FAT3: variants seen among roughly 807,000 people sequenced by gnomAD.
FAT3 encodes the protein protocadherin Fat 3.
In FAT3, 95 loss-of-function variants were observed where a neutral mutation model predicts 310.2. The observed-to-expected ratio is 0.31, with a 90% CI of 0.26 to 0.36. The LOEUF (loss-of-function observed/expected upper bound fraction) is 0.36. Among genes scored for constraint, FAT3 ranks in the 10% least tolerant of loss-of-function variants. The pLI is 1.00. For missense variants in FAT3, 5,408 were observed against 5,715.6 expected (o/e 0.95, Z 1.74); for synonymous variants, 2,314 against 2,192.9 (o/e 1.06, Z -1.54).
At chr11:92,619,284 A>T (rs1350623992) in intron 3 of FAT3, among the ~76,000 whole-genome samples, 1 of 152,136 alleles carries the variant, frequency 6.6e-6, no homozygotes, top group Non-Finnish European at 1.5e-5. Flanking sequence ...TAAGAGATAT[A>T]ACTTTTGCAT....
At chr11:92,874,552 A>T (rs1432248154) in intron 22 of FAT3, among the ~76,000 whole-genome samples, 1 of 152,186 alleles carries the variant, frequency 6.6e-6, no homozygotes, top group African/African-American at 2.4e-5. Context: ...TTACTAATGT[A>T]TGTTGAGATG....
At chr11:92,870,846 T>A (rs984514652) in intron 22 of FAT3, among the ~76,000 whole-genome samples, 2 of 152,216 alleles carry the variant, frequency 1.3e-5, no homozygotes, top group Non-Finnish European at 2.9e-5. Context: ...GGTACTGTGA[T>A]AAGTGCTTAC....
At chr11:92,722,217 CATTGGGT>C (rs1944881552) in intron 4 of FAT3, among the ~76,000 whole-genome samples, 1 of 149,772 alleles carries the variant, frequency 6.7e-6, no homozygotes, top group African/African-American at 2.6e-5. Flanking sequence ...GCAGTATACC[CATTGGGT>C]AAATACAGCC....
chr11:92,312,659 G>A (rs1311687360), intron 1 of FAT3, among the ~76,000 whole-genome samples: 1 of 152,138 alleles, frequency 6.6e-6, no homozygotes, highest in African/African-American at 2.4e-5. Flanking sequence ...CTCTTTTTGT[G>A]AGTATATTTT....
intron 1 of FAT3, among the ~76,000 whole-genome samples, chr11:92,284,423 AG>A (rs1256029868): frequency 2.0e-5 from 3 of 152,098 alleles, no homozygotes; most frequent in African/African-American, 7.2e-5. Flanking sequence ...ACTACTCACT[AG>A]TTTTTGTTCC....
At chr11:92,265,364 T>C (rs951776318) in intron 1 of FAT3, among the ~76,000 whole-genome samples, 5 of 151,988 alleles carry the variant, frequency 3.3e-5, no homozygotes, top group Non-Finnish European at 5.9e-5. Flanking sequence ...ATTGACTGCG[T>C]TCCAAGCATG....
Position 92,769,100 on chromosome 11 carries a change from A to G in FAT3, c.4195+4011A>G, listed in dbSNP as rs1210241534. Among the ~76,000 whole-genome samples the G allele has an allele frequency of 2.0e-5, 3 of 152,270 alleles. No individual in the cohort carries two copies. The East Asian group carries it at 5.8e-4, about 29-fold the overall frequency. On this transcript the variant is annotated intron_variant, in intron 6 of 27. Coordinates refer to ENST00000525166, the MANE Select transcript of FAT3 (RefSeq NM_001367949.2). Reference sequence around the variant, plus strand: ...TGATATGAATTCACAAAAGCTGGGTAGCAAGCAAGATTTTGTTCCAAGCCT... The same window carrying G: ...TGATATGAATTCACAAAAGCTGGGTGGCAAGCAAGATTTTGTTCCAAGCCT...
intron 1 of FAT3, among the ~76,000 whole-genome samples, chr11:92,245,793 T>C (rs1864878989): frequency 6.6e-6 from 1 of 152,132 alleles, no homozygotes. Flanking sequence ...TGAGCTGTAG[T>C]TTGCAACCCC....
intron 1 of FAT3, among the ~76,000 whole-genome samples, chr11:92,349,923 C>T (rs1248711893): frequency 1.3e-5 from 2 of 151,452 alleles, no homozygotes; most frequent in South Asian, 2.1e-4. Flanking sequence ...CCAGGCAGAA[C>T]CAGCATTTGC....
chr11:92,728,329 G>A (rs1371564700), intron 4 of FAT3, among the ~76,000 whole-genome samples: 2 of 152,034 alleles, frequency 1.3e-5, no homozygotes, highest in Non-Finnish European at 2.9e-5. Context: ...AATGAAAGAC[G>A]GGAGGAAACT....
rs1397063234 is a variant in FAT3, at chr11:92,327,597, G to A, written c.-17-24499G>A. Among the ~76,000 whole-genome samples, 7 of 152,334 alleles carry A rather than the reference G, an allele frequency of 4.6e-5. No individual in the cohort carries two copies. The East Asian group carries it at 9.7e-4, about 21-fold the overall frequency. ...AGGATTATAAGACAGTGGATTAAAT[G>A]TATCTTTCCCATTGCTTGTGGCCCT... On this transcript the variant is annotated intron_variant, in intron 1 of 27. Coordinates refer to ENST00000525166, the MANE Select transcript of FAT3 (RefSeq NM_001367949.2).
Position 92,799,805 on chromosome 11 carries a change from T to C in FAT3, c.6792T>C (p.Leu2264=), listed in dbSNP as rs1947284436. The C allele has an allele frequency of 6.2e-7, 1 of 1,613,236 alleles. No homozygotes were observed. The highest frequency in any genetic ancestry group is 8.5e-7 in the Non-Finnish European group (1 of 1,179,564). The part of the protein sequence containing the change: ...YKLTIRASDA[L]TGARAEVTVD... ...TGACAATAAGAGCCAGCGACGCCCT[T>C]ACTGGTGCTAGGGCTGAAGTCACTG... Residue 2264 remains leucine (L), a synonymous_variant, in exon 10 of 28, where the codon CTT becomes CTC. Transcript: ENST00000525166.
intron 1 of FAT3, among the ~76,000 whole-genome samples, chr11:92,311,741 G>GAATA (rs1164561442): frequency 6.6e-6 from 1 of 152,138 alleles, no homozygotes; most frequent in Non-Finnish European, 1.5e-5. Flanking sequence ...GCTGGAGGTT[G>GAATA]AATAGGTAGA....
chr11:92,422,150 A>C (rs1167036719), intron 2 of FAT3, among the ~76,000 whole-genome samples: 1 of 152,156 alleles, frequency 6.6e-6, no homozygotes, highest in African/African-American at 2.4e-5. Context: ...CCTATACTCC[A>C]CAAGTCTTTG....
chr11:92,731,793 CA>C (rs1177612712), intron 4 of FAT3, among the ~76,000 whole-genome samples: 1 of 152,144 alleles, frequency 6.6e-6, no homozygotes, highest in East Asian at 1.9e-4. Context: ...ATCTCTAACA[CA>C]AAAGTTTGTT....
chr11:92,406,175 A>T (rs1950133305), intron 2 of FAT3, among the ~76,000 whole-genome samples: 1 of 151,962 alleles, frequency 6.6e-6, no homozygotes, highest in African/African-American at 2.4e-5. Flanking sequence ...TGTTCCTTAT[A>T]TATCCTTCCT....
chr11:92,646,320 A>G (rs1273340391), intron 3 of FAT3, among the ~76,000 whole-genome samples: 2 of 152,230 alleles, frequency 1.3e-5, no homozygotes, highest in African/African-American at 2.4e-5. Flanking sequence ...AATTTCTACA[A>G]CATGGCACAT....
chr11:92,612,148 C>CT (rs1038809146), intron 3 of FAT3, among the ~76,000 whole-genome samples: 12 of 152,192 alleles, frequency 7.9e-5, no homozygotes, highest in African/African-American at 2.9e-4. Flanking sequence ...TTTTTCTTTC[C>CT]TTTTTTTACT....
In FAT3 at chr11:92,283,223, C is replaced by CT; in HGVS notation, c.-18+58050dup. On this transcript the variant is annotated intron_variant, in intron 1 of 27. Coordinates refer to ENST00000525166, the MANE Select transcript of FAT3 (RefSeq NM_001367949.2). ...CATACTACTAACCATTTTATTTCCA[C>CT]TAAAACAAAATAAAATCTGAGACTT... 2.6e-5 allele frequency among the ~76,000 whole-genome samples: 4 copies of CT among 152,264 alleles called. 1 individual carries two copies. The East Asian group carries it at 7.7e-4, about 29-fold the overall frequency.
Sources: gnomAD v4.1 joint callset for allele counts (sites outside exome capture counted in the v4.1 genomes callset) on GRCh38, gnomAD v4.1.1 for gene constraint, MANE v1.5 for transcripts, NCBI Gene and HGNC (gene_info 2026-07-23, HGNC 2026-07-21) for gene names.